The following EPHB2 variants were observed in gnomAD, a reference collection of about 807,000 sequenced individuals.
EPHB2 encodes the protein EPH receptor B2.
In EPHB2, 18 loss-of-function variants were observed where a neutral mutation model predicts 96.4. That is an observed-to-expected ratio of 0.19 (90% CI 0.13 to 0.28). The LOEUF (loss-of-function observed/expected upper bound fraction) is 0.28. Ranked by LOEUF, EPHB2 falls within the 10% of genes least tolerant of loss-of-function variation. EPHB2 has a pLI of 1.00. For synonymous variants in EPHB2, 506 were observed against 534.1 expected (o/e 0.95, Z 0.72); for missense variants, 989 against 1,355.4 (o/e 0.73, Z 4.25).
At chr1:22,887,764 C>T (rs1639271504) in intron 6 of EPHB2, among the ~76,000 whole-genome samples, 1 of 152,184 alleles carries the variant, frequency 6.6e-6, no homozygotes, top group African/African-American at 2.4e-5. Flanking sequence ...CATGAGGCCA[C>T]CTGTGGTCGA....
intron 1 of EPHB2, among the ~76,000 whole-genome samples, chr1:22,739,840 C>T (rs140727882): frequency 6.6e-6 from 1 of 152,118 alleles, no homozygotes; most frequent in Non-Finnish European, 1.5e-5. Flanking sequence ...GAATCGTTCT[C>T]GGATTTGATG....
In EPHB2 at chr1:22,913,540, G is replaced by C. The variant is rs1640178210; in HGVS notation, c.2931G>C (p.Gln977His). 2 of 1,614,222 alleles carry C rather than the reference G, an allele frequency of 1.2e-6. No individual in the cohort carries two copies. Among genetic ancestry groups the C allele is most frequent in the East Asian group, 4.5e-5 (2 of 44,882 alleles). The change falls in exon 16 of 16, where the codon CAG becomes CAC. Residue 977 changes from glutamine to histidine, a missense_variant. Transcript: ENST00000374630. This position sits in a 1 kb window ranked among gnomAD's most constrained non-coding sequence, Gnocchi z 4.1. ...ACAGTATCCAGGTGATGCGGGCGCA[G>C]ATGAACCAGATTCAGTCTGTGGAGG... is the stretch of plus-strand genomic sequence containing the variant. ...ILNSIQVMRAQMNQIQSVEV is the reference protein window; with the variant it reads ...ILNSIQVMRAHMNQIQSVEV
rs759399145 is a variant in EPHB2, at chr1:22,781,405, T to C, written c.62-16T>C. ...GGTAGGTGGGGCGGGGTGGTGACTCTTTGCTCTCCCCACAGAAACGCTAAT... is the reference window on the plus strand; with the variant it reads ...GGTAGGTGGGGCGGGGTGGTGACTCCTTGCTCTCCCCACAGAAACGCTAAT... On this transcript the variant is annotated splice_polypyrimidine_tract_variant and intron_variant, in intron 1 of 15. Coordinates refer to ENST00000374630, the MANE Select transcript of EPHB2 (RefSeq NM_017449.5). The C allele has an allele frequency of 2.5e-6, 4 of 1,613,414 alleles. No homozygotes were observed. Among genetic ancestry groups the C allele is most frequent in the Non-Finnish European group, 3.4e-6 (4 of 1,179,770 alleles).
chr1:22,724,682 T>C (rs1035291876), intron 1 of EPHB2, among the ~76,000 whole-genome samples: 69 of 152,214 alleles, frequency 4.5e-4, no homozygotes, highest in African/African-American at 1.5e-3. Context: ...TTTAACCCTA[T>C]TGTAGCCATC....
intron 3 of EPHB2, among the ~76,000 whole-genome samples, chr1:22,829,042 T>C (rs898845569): frequency 6.6e-6 from 1 of 152,238 alleles, no homozygotes; most frequent in Non-Finnish European, 1.5e-5. Flanking sequence ...GAATATTCAA[T>C]ATTCAGGTGC....
Position 22,784,509 on chromosome 1 carries a change from G to A in EPHB2, c.244G>A (p.Gly82Ser). ...ACGGACCAAGTTTATCCGGCGCCGT[G>A]GCGCCCACCGCATCCACGTGGAGAT... ...WLRTKFIRRRGAHRIHVEMKF... is the reference protein window; with the variant it reads ...WLRTKFIRRRSAHRIHVEMKF... The change falls in exon 3 of 16, where the codon GGC (glycine) becomes AGC (serine). Residue 82 changes from glycine (G) to serine (S), a missense_variant. Transcript: ENST00000374630. The surrounding 1 kb of genome is among the most constrained non-coding windows in gnomAD (Gnocchi z 5.1). 1 of 1,613,720 alleles carries A rather than the reference G, an allele frequency of 6.2e-7. No individual in the cohort carries two copies. The highest frequency in any genetic ancestry group is 1.3e-5 in the African/African-American group (1 of 75,060).
chr1:22,808,359 G>T (rs960325828), intron 3 of EPHB2, among the ~76,000 whole-genome samples: 2 of 152,218 alleles, frequency 1.3e-5, no homozygotes, highest in African/African-American at 4.8e-5. Context: ...CAGAGCAAGG[G>T]TTGGGGACAT....
intron 1 of EPHB2, among the ~76,000 whole-genome samples, chr1:22,768,230 T>A (rs1368613891): frequency 6.6e-6 from 1 of 152,216 alleles, no homozygotes; most frequent in African/African-American, 2.4e-5. Flanking sequence ...TGACCAGCTG[T>A]GTGGCCTGGA....
At chr1:22,785,306 T>A (rs1057486431) in intron 3 of EPHB2, among the ~76,000 whole-genome samples, 1 of 152,254 alleles carries the variant, frequency 6.6e-6, no homozygotes, top group Non-Finnish European at 1.5e-5. Flanking sequence ...GTATACCAGA[T>A]AATCTGGGTT....
At chr1:22,753,392 T>C (rs1384994797) in intron 1 of EPHB2, among the ~76,000 whole-genome samples, 1 of 152,202 alleles carries the variant, frequency 6.6e-6, no homozygotes, top group Non-Finnish European at 1.5e-5. Context: ...ATGGCTCCTC[T>C]TGTCACATGA....
chr1:22,825,589 G>T (rs1645211231), intron 3 of EPHB2, among the ~76,000 whole-genome samples: 1 of 152,224 alleles, frequency 6.6e-6, no homozygotes, highest in Non-Finnish European at 1.5e-5. Context: ...AGAACAAGAT[G>T]CTCTCTGAAC....
chr1:22,765,115 T>A (rs1644289326), intron 1 of EPHB2, among the ~76,000 whole-genome samples: 1 of 152,122 alleles, frequency 6.6e-6, no homozygotes, highest in Non-Finnish European at 1.5e-5. Context: ...GAGCCGGACA[T>A]TCTGGGAACC....
chr1:22,890,063 T>C (rs1464637325), intron 6 of EPHB2, among the ~76,000 whole-genome samples: 1 of 152,068 alleles, frequency 6.6e-6, no homozygotes, highest in Non-Finnish European at 1.5e-5. Context: ...AAATGGTGGG[T>C]CATGAAGGGT....
At chr1:22,878,689 G>A (rs1253009718) in intron 5 of EPHB2, among the ~76,000 whole-genome samples, 1 of 152,218 alleles carries the variant, frequency 6.6e-6, no homozygotes, top group African/African-American at 2.4e-5. Context: ...AAAAGTACCT[G>A]CTTAAGGCCA....
chr1:22,807,908 C>G (rs144081850), intron 3 of EPHB2, among the ~76,000 whole-genome samples: 1 of 152,104 alleles, frequency 6.6e-6, no homozygotes, highest in South Asian at 2.1e-4. Context: ...CCGAGGCAGG[C>G]GGATTAGCTG....
chr1:22,847,289 A>T (rs866065145), intron 3 of EPHB2, among the ~76,000 whole-genome samples: 15 of 152,336 alleles, frequency 9.8e-5, no homozygotes, highest in South Asian at 2.1e-4. Context: ...TCAGTGGCAG[A>T]CTCAGAGTTC....
At chr1:22,722,869 G>T (rs1643497260) in intron 1 of EPHB2, among the ~76,000 whole-genome samples, 2 of 152,210 alleles carry the variant, frequency 1.3e-5, no homozygotes, top group South Asian at 4.1e-4. Flanking sequence ...CGACTTCTAA[G>T]ATGATTCTTA....
chr1:22,713,583 G>A (rs914606187), intron 1 of EPHB2, among the ~76,000 whole-genome samples: 1 of 151,992 alleles, frequency 6.6e-6, no homozygotes, highest in Non-Finnish European at 1.5e-5. Context: ...CATTTGGGGG[G>A]CGGTGCTGCC....
intron 1 of EPHB2, among the ~76,000 whole-genome samples, chr1:22,766,892 G>A (rs1644314774): frequency 6.6e-6 from 1 of 152,236 alleles, no homozygotes; most frequent in Non-Finnish European, 1.5e-5. Context: ...TGGGGCTGGG[G>A]AGCTGATGAA....
Sources: allele counts gnomAD v4.1 joint callset (sites outside exome capture counted in the v4.1 genomes callset), GRCh38; gene constraint gnomAD v4.1.1; non-coding constraint Gnocchi (gnomAD v3.1); transcripts MANE v1.5; gene names NCBI Gene and HGNC (gene_info 2026-07-23, HGNC 2026-07-21).